The following KCNV1 variants were observed in gnomAD, a reference collection of about 807,000 sequenced individuals.
The protein encoded by KCNV1 is potassium voltage-gated channel modifier subfamily V member 1, also known as potassium voltage-gated channel subfamily V member 1.
A neutral mutation model predicts 36.4 loss-of-function variants in KCNV1; 2 were observed. The observed-to-expected ratio is 0.05, with a 90% CI of 0.02 to 0.17. The LOEUF (loss-of-function observed/expected upper bound fraction) is 0.17, where lower values mean the gene tolerates loss of function less well. KCNV1 is among the 10% of genes least tolerant of loss of function. The pLI, the probability that KCNV1 is intolerant of heterozygous loss-of-function variation, is 1.00. For synonymous variants in KCNV1, 280 were observed against 261.1 expected, an observed-to-expected ratio of 1.07 and a Z score of -0.70; for missense variants, 321 against 643.6, an observed-to-expected ratio of 0.50 and a Z score of 5.42.
intron 3 of KCNV1, among the ~76,000 whole-genome samples, chr8:109,970,362 A>G (rs1053223998): frequency 4.6e-5 from 7 of 152,258 alleles, no homozygotes; most frequent in African/African-American, 1.7e-4. Context: ...GTTCAAAACA[A>G]TTTTGTAAAG....
chr8:109,970,135 T>C (rs1440988168), intron 3 of KCNV1, among the ~76,000 whole-genome samples: 1 of 152,206 alleles, frequency 6.6e-6, no homozygotes. Context: ...TTTGAGATAT[T>C]CTTGAATTAT....
chr8:109,973,685 A>C (rs950535668), intron 2 of KCNV1, among the ~76,000 whole-genome samples: 4 of 152,130 alleles, frequency 2.6e-5, no homozygotes, highest in Admixed American at 2.6e-4. Flanking sequence ...CCCTTGCCTT[A>C]TACGTTAAAT....
rs1444839654 is a variant in KCNV1, at chr8:109,972,217, A to G, written c.991+41T>C. 4 of 1,533,344 alleles carry G rather than the reference A, an allele frequency of 2.6e-6. No individual in the cohort carries two copies. In the East Asian group the frequency reaches 9.0e-5, roughly 35 times the overall value. The allele number at this position is 1,533,344 out of a possible 1,614,324, so 95.0% of individuals were successfully genotyped here. A position where few individuals can be genotyped will look rare whatever the true frequency, so the allele number is the denominator to read the frequency against. ...CTGTGGTCAAAAAACGAATGCTTAC[A>G]TGCAATGGCAAATTAAAAGGCATCA... On this transcript the variant is annotated intron_variant, in intron 3 of 3. Transcript: ENST00000524391. This position sits in a 1 kb window ranked among gnomAD's most constrained non-coding sequence, Gnocchi z 5.2.
rs760489032 is a variant in KCNV1 at position 109,968,236 on chromosome 8, T to G, written c.1355A>C (p.Lys452Thr). The G allele has an allele frequency of 6.2e-7, 1 of 1,614,178 alleles. No homozygotes were observed. Among genetic ancestry groups the G allele is most frequent in the East Asian group, 2.2e-5 (1 of 44,876 alleles). Residue 452 changes from lysine (K) to threonine (T), a missense_variant, in exon 4 of 4, where the codon AAG becomes ACG. Lys to Thr is a moderately conservative substitution (Grantham distance 78, BLOSUM62 -1). This residue lies in a region of KCNV1 where 45 missense variants were observed against 76.8 expected (regional missense o/e 0.59). Coordinates refer to ENST00000524391, the MANE Select transcript of KCNV1 (RefSeq NM_014379.4). The surrounding 1 kb of genome is among the most constrained non-coding windows in gnomAD (Gnocchi z 5.3). The stretch of plus-strand genomic sequence containing the variant: ...AGTGGCTATATTCTTGGTAAGCTTC[T>G]TTAGGGCTTCACGCTGTCTAACAGC... ...EAAVRQREAL[K>T]KLTKNIATDS...
In KCNV1 at chr8:109,973,780, C is replaced by A; in HGVS notation, c.461+148G>T. 3 of 425,316 alleles carry A rather than the reference C, an allele frequency of 7.1e-6. 1 individual carries two copies. Among genetic ancestry groups the A allele is most frequent in the Non-Finnish European group, 4.1e-6 (1 of 241,806 alleles). 26.3% of individuals were successfully genotyped at this position (425,316 alleles called of 1,614,324 possible). On this transcript the variant is annotated intron_variant, in intron 2 of 3. Coordinates refer to ENST00000524391, the MANE Select transcript of KCNV1 (RefSeq NM_014379.4). ...GATGCTTTCCAGTCCCCCACCCCCA[C>A]CCCACCTGTCAGCCCAGAAGTGGCC...
intron 3 of KCNV1, among the ~76,000 whole-genome samples, chr8:109,969,564 G>T (rs1398527469): frequency 1.3e-5 from 2 of 152,044 alleles, no homozygotes; most frequent in Non-Finnish European, 2.9e-5. Context: ...AGCCCATTAT[G>T]GGCCGGGCAC....
chr8:109,970,559 A>G (rs973252884), intron 3 of KCNV1, among the ~76,000 whole-genome samples: 1 of 152,190 alleles, frequency 6.6e-6, no homozygotes, highest in Non-Finnish European at 1.5e-5. Context: ...TTCTGGCCAA[A>G]AACCCATTAT....
Position 109,972,866 on chromosome 8 carries a change from G to T in KCNV1, c.462-79C>A. On this transcript the variant is annotated intron_variant, in intron 2 of 3. Transcript: ENST00000524391. This position sits in a 1 kb window ranked among gnomAD's most constrained non-coding sequence, Gnocchi z 5.2. ...ATAAGATAATTAAACATGGCAGGGAGGTCAGACTTTTTCATTCAACAAAAT... is the reference window on the plus strand; with the variant it reads ...ATAAGATAATTAAACATGGCAGGGATGTCAGACTTTTTCATTCAACAAAAT... 2 of 1,174,858 alleles carry T rather than the reference G, an allele frequency of 1.7e-6. No homozygotes were observed. Among genetic ancestry groups the T allele is most frequent in the Non-Finnish European group, 2.4e-6 (2 of 841,166 alleles). 72.8% of individuals were successfully genotyped at this position (1,174,858 alleles called of 1,614,324 possible). A position where few individuals can be genotyped will look rare whatever the true frequency, so the allele number is the denominator to read the frequency against.
Position 109,968,842 on chromosome 8 carries a change from T to C in KCNV1, c.992-243A>G, listed in dbSNP as rs1819974919. On this transcript the variant is annotated intron_variant, in intron 3 of 3. Transcript: ENST00000524391. The surrounding 1 kb of genome is among the most constrained non-coding windows in gnomAD (Gnocchi z 5.3). ...TAGAGAGAAATATAATTAGATTCAT[T>C]AATTCACCTATAGAATTATTGAACT... 6.6e-6 allele frequency among the ~76,000 whole-genome samples: 1 copy of C among 152,192 alleles called. No homozygotes were observed. The highest frequency in any genetic ancestry group is 2.4e-5 in the African/African-American group (1 of 41,438).
In KCNV1 at chr8:109,965,481, G is replaced by C. The variant is rs1187694357; in HGVS notation, c.*2607C>G. On this transcript the variant is annotated 3_prime_UTR_variant, in exon 4 of 4. Coordinates refer to ENST00000524391, the MANE Select transcript of KCNV1 (RefSeq NM_014379.4). The stretch of plus-strand genomic sequence containing the variant: ...ATATTTTATTTAACAGCAAAATTGA[G>C]TAAGCAATGATATTTTAAAACTTCT... The C allele has an allele frequency of 6.6e-6, 1 of 152,020 alleles. No homozygotes were observed. Among genetic ancestry groups the C allele is most frequent in the African/African-American group, 2.4e-5 (1 of 41,398 alleles). The allele number at this position is 152,020 out of a possible 1,614,324, so 9.4% of individuals were successfully genotyped here.
intron 3 of KCNV1, among the ~76,000 whole-genome samples, chr8:109,969,615 G>A (rs980948731): frequency 6.6e-6 from 1 of 152,088 alleles, no homozygotes; most frequent in Non-Finnish European, 1.5e-5. Flanking sequence ...GGGAGGCTGA[G>A]GCAGGCAGAT....
At chr8:109,973,499 C>G (rs943037522) in intron 2 of KCNV1, among the ~76,000 whole-genome samples, 2 of 152,222 alleles carry the variant, frequency 1.3e-5, no homozygotes, top group Admixed American at 6.5e-5. Flanking sequence ...AGGGACCAAC[C>G]TTTTATCTTC....
intron 3 of KCNV1, among the ~76,000 whole-genome samples, chr8:109,971,602 A>G (rs1047502804): frequency 2.0e-5 from 3 of 152,090 alleles, no homozygotes; most frequent in African/African-American, 7.2e-5. Flanking sequence ...ACAAAAAACT[A>G]AGGGATTTCT....
chr8:109,973,057 A>G (rs1820031752), intron 2 of KCNV1, among the ~76,000 whole-genome samples: 2 of 143,970 alleles, frequency 1.4e-5, no homozygotes, highest in African/African-American at 5.2e-5. Context: ...GGCTTACTGT[A>G]GCCTCCGCTT....
chr8:109,963,903 A>G lies in KCNV1; in HGVS notation c.*4185T>C, dbSNP rs994945007. ...TTTTAGGTACTTAAGCATTGCCTAT[A>G]TGCATTTAAATGTCTGAAAGTAGTG... is the stretch of plus-strand genomic sequence containing the variant. On this transcript the variant is annotated 3_prime_UTR_variant, in exon 4 of 4. Transcript: ENST00000524391. 6.6e-6 allele frequency: 1 copy of G among 152,226 alleles called. No homozygotes were observed. The highest frequency in any genetic ancestry group is 1.5e-5 in the Non-Finnish European group (1 of 68,030). The allele number at this position is 152,226 out of a possible 1,614,324, so 9.4% of individuals were successfully genotyped here.
chr8:109,970,048 T>G (rs1350807919), intron 3 of KCNV1, among the ~76,000 whole-genome samples: 3 of 152,166 alleles, frequency 2.0e-5, no homozygotes, highest in Non-Finnish European at 4.4e-5. Flanking sequence ...TTTGTTTTTA[T>G]TCACTCACTA....
chr8:109,973,768 C>G (rs557308265), intron 2 of KCNV1, among the ~76,000 whole-genome samples, 160 bp downstream of exon 2: 5 of 141,850 alleles, frequency 3.5e-5, no homozygotes, highest in African/African-American at 1.3e-4. Flanking sequence ...GCTTTCCAGT[C>G]CCCCACCCCC....
In KCNV1 at chr8:109,968,715, T is replaced by TC; in HGVS notation, c.992-117dup. The TC allele has an allele frequency of 1.0e-6, 1 of 978,720 alleles. No homozygotes were observed. Among genetic ancestry groups the TC allele is most frequent in the Non-Finnish European group, 1.5e-6 (1 of 672,894 alleles). 60.6% of individuals were successfully genotyped at this position (978,720 alleles called of 1,614,324 possible). A position where few individuals can be genotyped will look rare whatever the true frequency, so the allele number is the denominator to read the frequency against. ...ACAAACTGCACTGCACACTTAAATG[T>TC]CCCCAGCACTGGGCAATGTTCTGGG... On this transcript the variant is annotated intron_variant, in intron 3 of 3. Transcript: ENST00000524391. The surrounding 1 kb of genome is among the most constrained non-coding windows in gnomAD (Gnocchi z 5.3).
At position 109,972,566 on chromosome 8, in the gene KCNV1, G is replaced by T. The variant is rs199572262; in HGVS notation, c.683C>A (p.Ala228Asp). The change falls in exon 3 of 4, where the codon GCC (alanine) becomes GAC (aspartate). Residue 228 changes from alanine to aspartate, a missense_variant. Ala to Asp is a moderately radical substitution (Grantham distance 126). Around this residue, in one of 5 missense-constraint regions of KCNV1, gnomAD observed 141 missense variants for 225.0 expected, o/e 0.63. Transcript: ENST00000524391. The surrounding 1 kb of genome is among the most constrained non-coding windows in gnomAD (Gnocchi z 5.2). ...CCAGCTTAACTCAGCTGACATCAGG[G>T]CCATGTTAATGATGGACACCACCAC... ...IFVVVSIINM[A>D]LMSAELSWLD... is the part of the protein sequence containing the mutation. 1 of 1,614,178 alleles carries T rather than the reference G, an allele frequency of 6.2e-7. No homozygotes were observed. The highest frequency in any genetic ancestry group is 8.5e-7 in the Non-Finnish European group (1 of 1,180,030).
Sources: allele counts gnomAD v4.1 joint callset (sites outside exome capture counted in the v4.1 genomes callset), GRCh38; gene constraint gnomAD v4.1.1; regional missense constraint gnomAD v4.1.1; non-coding constraint Gnocchi (gnomAD v3.1); transcripts MANE v1.5; gene names NCBI Gene and HGNC (gene_info 2026-07-23, HGNC 2026-07-21).